Variants in CFAP20DC observed in about 807,000 individuals in gnomAD.
CFAP20DC encodes the protein CFAP20 domain containing, also known as protein CFAP20DC.
In CFAP20DC, 84 loss-of-function variants were observed where a neutral mutation model predicts 101.7. That is an observed-to-expected ratio of 0.83 (90% confidence interval 0.69 to 0.99). CFAP20DC has a LOEUF of 0.99. CFAP20DC is among the 50% of genes least tolerant of loss of function. The probability of loss-of-function intolerance (pLI) is 0.00; values close to 1 mark genes in which losing one functional copy is unlikely to be tolerated. For synonymous variants in CFAP20DC, 359 were observed against 351.2 expected, an observed-to-expected ratio of 1.02 and a Z score of -0.25; for missense variants, 1,007 against 970.3, an observed-to-expected ratio of 1.04 and a Z score of -0.50.
intron 4 of CFAP20DC, among the ~76,000 whole-genome samples, chr3:59,019,589 C>A (rs889434410): frequency 6.6e-6 from 1 of 152,030 alleles, no homozygotes; most frequent in East Asian, 1.9e-4. Context: ...TGAAGCTTTA[C>A]TGTGTTAAGT....
intron 4 of CFAP20DC, among the ~76,000 whole-genome samples, chr3:58,976,528 A>C (rs1295265347): frequency 6.6e-6 from 1 of 152,172 alleles, no homozygotes; most frequent in African/African-American, 2.4e-5. Flanking sequence ...GGCAGGTGGA[A>C]TTGGTTTTAA....
chr3:58,768,869 C>A (rs544749127), intron 15 of CFAP20DC, among the ~76,000 whole-genome samples: 4 of 152,182 alleles, frequency 2.6e-5, no homozygotes, highest in Admixed American at 1.3e-4. Flanking sequence ...TTTAGAGGAG[C>A]CTTGCTTGAG....
intron 15 of CFAP20DC, among the ~76,000 whole-genome samples, chr3:58,785,602 C>T (rs1198425385): frequency 6.6e-6 from 1 of 151,998 alleles, no homozygotes; most frequent in Non-Finnish European, 1.5e-5. Flanking sequence ...TTTTACCCAC[C>T]AGAAGGATAC....
At position 58,849,246 on chromosome 3, in the gene CFAP20DC, G is replaced by C. The variant is rs1487800062; in HGVS notation, c.1757C>G (p.Ser586Trp). The change falls in exon 13 of 17, where the codon TCG (serine) becomes TGG (tryptophan). Residue 586 changes from serine to tryptophan, a missense_variant. Physicochemically the swap from Ser to Trp is radical, Grantham distance 177 (BLOSUM62 -3). Transcript: ENST00000482387. ...GTTATTTCTATCTATTTGCTCCATCGAGGAATCCTGGCTTTCTGTTGCTCC... is the reference window on the plus strand; with the variant it reads ...GTTATTTCTATCTATTTGCTCCATCCAGGAATCCTGGCTTTCTGTTGCTCC... ...EAGATESQDSSMEQIDRNNFE... is the reference protein window; with the variant it reads ...EAGATESQDSWMEQIDRNNFE... 6.5e-7 allele frequency: 1 copy of C among 1,535,894 alleles called. No homozygotes were observed. Among genetic ancestry groups the C allele is most frequent in the African/African-American group, 1.4e-5 (1 of 73,014 alleles).
chr3:58,850,667 A>C (rs1340637086), intron 12 of CFAP20DC, among the ~76,000 whole-genome samples: 2 of 152,098 alleles, frequency 1.3e-5, no homozygotes, highest in Non-Finnish European at 2.9e-5. Flanking sequence ...TGGATGTGAA[A>C]TGATAAACTT....
rs551685231 is a variant in CFAP20DC, at chr3:58,829,320, C to CAA, written c.2175+2364_2175+2365dup. 2.3e-3 allele frequency among the ~76,000 whole-genome samples: 135 copies of CAA among 59,638 alleles called. 1 individual carries two copies. In the East Asian group the frequency reaches 0.027, roughly 12 times the overall value. 39.1% of individuals were successfully genotyped at this position (59,638 alleles called of 152,430 possible). On this transcript the variant is annotated intron_variant, in intron 14 of 16. Coordinates refer to ENST00000482387, the MANE Select transcript of CFAP20DC (RefSeq NM_001394063.1). ...TGGGTAATAGGGTGAGACTCAGTCT[C>CAA]AAAAAAAAAAAAAAAAAAGGGATAT...
intron 4 of CFAP20DC, among the ~76,000 whole-genome samples, chr3:58,985,598 A>C (rs2092723965): frequency 6.6e-6 from 1 of 152,048 alleles, no homozygotes; most frequent in African/African-American, 2.4e-5. Context: ...AATATACTAC[A>C]CTAGTAGTGT....
chr3:58,983,636 T>C (rs2092658712), intron 4 of CFAP20DC, among the ~76,000 whole-genome samples: 1 of 152,174 alleles, frequency 6.6e-6, no homozygotes, highest in African/African-American at 2.4e-5. Context: ...AATTTAATAA[T>C]AATCACCATA....
intron 15 of CFAP20DC, among the ~76,000 whole-genome samples, chr3:58,791,615 T>C (rs2072865575): frequency 6.6e-6 from 1 of 152,182 alleles, no homozygotes; most frequent in Non-Finnish European, 1.5e-5. Flanking sequence ...ATGTCACAGT[T>C]AGCAACTGTG....
rs748336375 is a variant in CFAP20DC, at chr3:58,870,313, T to C, written c.716-4A>G. Reference sequence around the variant, plus strand: ...GTTCCTCTGTTAATGAACTGATCTGTTTTGTTAAAGGAAGGTAATAATAGT... The same window carrying C: ...GTTCCTCTGTTAATGAACTGATCTGCTTTGTTAAAGGAAGGTAATAATAGT... On this transcript the variant is annotated splice_polypyrimidine_tract_variant and splice_region_variant and intron_variant, in intron 7 of 16. Coordinates refer to ENST00000482387, the MANE Select transcript of CFAP20DC (RefSeq NM_001394063.1). The C allele has an allele frequency of 3.1e-5, 50 of 1,613,128 alleles. No homozygotes were observed. The highest frequency in any genetic ancestry group is 3.3e-4 in the Middle Eastern group (2 of 6,074).
In CFAP20DC at chr3:58,799,367, A is replaced by T. The variant is rs1346222492; in HGVS notation, c.2237+7028T>A. On this transcript the variant is annotated intron_variant, in intron 15 of 16. Coordinates refer to ENST00000482387, the MANE Select transcript of CFAP20DC (RefSeq NM_001394063.1). The surrounding 1 kb of genome is among the most constrained non-coding windows in gnomAD (Gnocchi z 4.9). The stretch of plus-strand genomic sequence containing the variant: ...TTATATTCTGGATATCTTTTAAGGG[A>T]TCTTTAAAACAAACTCACAAAAAAG... Among the ~76,000 whole-genome samples the T allele has an allele frequency of 6.6e-6, 1 of 152,218 alleles. No individual in the cohort carries two copies. The highest frequency in any genetic ancestry group is 1.5e-5 in the Non-Finnish European group (1 of 68,032).
intron 4 of CFAP20DC, among the ~76,000 whole-genome samples, chr3:58,993,490 C>T (rs932836927): frequency 1.3e-5 from 2 of 151,978 alleles, no homozygotes; most frequent in African/African-American, 4.8e-5. Flanking sequence ...CATAGGTAAA[C>T]GTGTGTCATG....
At chr3:58,812,056 C>T (rs558841045) in intron 14 of CFAP20DC, among the ~76,000 whole-genome samples, 24 of 152,208 alleles carry the variant, frequency 1.6e-4, no homozygotes, top group African/African-American at 4.6e-4. Context: ...CAGGAAACAA[C>T]AGGTGCTGGA....
At chr3:58,777,254 G>A (rs114949672) in intron 15 of CFAP20DC, among the ~76,000 whole-genome samples, 3,445 of 152,174 alleles carry the variant, frequency 0.023, 122 homozygotes, top group African/African-American at 0.077. Flanking sequence ...CCCCCTCCCC[G>A]CTTTGTGTTG....
rs201880815 is a variant in CFAP20DC at position 58,891,658 on chromosome 3, G to GT, written c.551-6950dup. Among the ~76,000 whole-genome samples, 178 of 150,740 alleles carry GT rather than the reference G, an allele frequency of 1.2e-3. 1 individual carries two copies. The highest frequency in any genetic ancestry group is 3.4e-3 in the Middle Eastern group (1 of 290). On this transcript the variant is annotated intron_variant, in intron 6 of 16. Coordinates refer to ENST00000482387, the MANE Select transcript of CFAP20DC (RefSeq NM_001394063.1). ...TGCCCACTTTTTAATGGGGTTATTT[G>GT]TTTTTTTTTCTTGTAAATTTCTTAA... is the stretch of plus-strand genomic sequence containing the variant.
chr3:58,974,899 C>T (rs1377223193), intron 4 of CFAP20DC, among the ~76,000 whole-genome samples: 2 of 152,156 alleles, frequency 1.3e-5, no homozygotes, highest in African/African-American at 4.8e-5. Flanking sequence ...AGCCCACCAC[C>T]ACTGGACACT....
At chr3:58,884,198 C>T (rs2108649537) in intron 7 of CFAP20DC, among the ~76,000 whole-genome samples, 1 of 152,208 alleles carries the variant, frequency 6.6e-6, no homozygotes, top group East Asian at 1.9e-4. Context: ...CTCCCTACAA[C>T]TCCCTCACAG....
chr3:58,845,888 T>C (rs1157908259), intron 13 of CFAP20DC, among the ~76,000 whole-genome samples: 1 of 150,206 alleles, frequency 6.7e-6, no homozygotes, highest in African/African-American at 2.5e-5. Flanking sequence ...TAATCCAGCA[T>C]ATAAACAGAG....
intron 4 of CFAP20DC, among the ~76,000 whole-genome samples, chr3:59,022,214 A>G (rs1057035095): frequency 6.6e-6 from 1 of 152,040 alleles, no homozygotes; most frequent in African/African-American, 2.4e-5. Flanking sequence ...TTGCAACTCA[A>G]GCACTAAAAG....
Sources: gnomAD v4.1 joint callset for allele counts (sites outside exome capture counted in the v4.1 genomes callset) on GRCh38, gnomAD v4.1.1 for gene constraint, Gnocchi (gnomAD v3.1) non-coding constraint, MANE v1.5 for transcripts, NCBI Gene and HGNC (gene_info 2026-07-23, HGNC 2026-07-21) for gene names.